Variants in RAB7A observed in about 807,000 individuals in gnomAD.
RAB7A encodes ras-related protein Rab-7a.
Under a neutral mutation model 24.5 loss-of-function variants are expected in RAB7A, and 2 were observed. The observed-to-expected ratio is 0.08, with a 90% CI of 0.03 to 0.26. The LOEUF is 0.26. Among genes scored for constraint, RAB7A ranks in the 10% least tolerant of loss-of-function variants. The probability of loss-of-function intolerance (pLI) is 1.00; values close to 1 mark genes in which losing one functional copy is unlikely to be tolerated. For missense variants in RAB7A, 118 were observed against 255.7 expected (o/e 0.46, Z 3.67); for synonymous variants, 100 against 95.9 (o/e 1.04, Z -0.25).
chr3:128,791,947 A>G (rs906181243), intron 1 of RAB7A, among the ~76,000 whole-genome samples: 2 of 152,084 alleles, frequency 1.3e-5, no homozygotes, highest in African/African-American at 2.4e-5. Context: ...GGCCTGTGAT[A>G]ATCTTACGAG....
intron 1 of RAB7A, among the ~76,000 whole-genome samples, chr3:128,734,651 A>C (rs1194431607): frequency 2.0e-5 from 3 of 151,708 alleles, no homozygotes; most frequent in Non-Finnish European, 2.9e-5. Flanking sequence ...TGGTGCTTTC[A>C]TTCCAACTCT....
intron 1 of RAB7A, among the ~76,000 whole-genome samples, chr3:128,764,197 C>T (rs546071888): frequency 1.3e-5 from 2 of 152,290 alleles, no homozygotes; most frequent in South Asian, 2.1e-4. Context: ...CGGCTCCTCC[C>T]AGTCACCTCA....
chr3:128,788,646 G>A (rs1019564329), intron 1 of RAB7A, among the ~76,000 whole-genome samples: 9 of 152,242 alleles, frequency 5.9e-5, no homozygotes, highest in African/African-American at 1.9e-4. Flanking sequence ...TCACCTCCAC[G>A]TGAGCTGTTA....
chr3:128,763,736 T>C (rs762245749), intron 1 of RAB7A, among the ~76,000 whole-genome samples: 6 of 152,110 alleles, frequency 3.9e-5, no homozygotes, highest in Non-Finnish European at 5.9e-5. Flanking sequence ...TAGTTTCCCA[T>C]CCACCTTTCA....
chr3:128,772,540 A>T (rs1032996185), intron 1 of RAB7A, among the ~76,000 whole-genome samples: 1 of 152,136 alleles, frequency 6.6e-6, no homozygotes, highest in African/African-American at 2.4e-5. Context: ...CTGTTAGTGT[A>T]CTTGGGTGAT....
intron 3 of RAB7A, among the ~76,000 whole-genome samples, chr3:128,800,024 T>G (rs556235359): frequency 6.6e-6 from 1 of 152,130 alleles, no homozygotes; most frequent in Non-Finnish European, 1.5e-5. Flanking sequence ...AACTTAGAAC[T>G]TCAAGAAGTG....
intron 1 of RAB7A, among the ~76,000 whole-genome samples, chr3:128,752,338 G>A (rs1237591559): frequency 1.3e-5 from 2 of 151,732 alleles, no homozygotes; most frequent in Non-Finnish European, 2.9e-5. Flanking sequence ...AACAAAGGAA[G>A]TGGAAGAAAA....
intron 1 of RAB7A, among the ~76,000 whole-genome samples, chr3:128,773,846 G>A (rs1157699215): frequency 2.0e-5 from 3 of 152,006 alleles, no homozygotes; most frequent in Non-Finnish European, 4.4e-5. Context: ...TAAGGGCGGT[G>A]CAAGATGTGC....
At chr3:128,764,034 C>T (rs1396158226) in intron 1 of RAB7A, among the ~76,000 whole-genome samples, 1 of 152,100 alleles carries the variant, frequency 6.6e-6, no homozygotes, top group Non-Finnish European at 1.5e-5. Flanking sequence ...GAGCAAGCAA[C>T]AAGTGAGCAA....
intron 1 of RAB7A, among the ~76,000 whole-genome samples, chr3:128,791,148 GT>G (rs1037576591): frequency 1.2e-4 from 18 of 145,892 alleles, no homozygotes; most frequent in East Asian, 2.0e-4. Context: ...TGTTTTGTTT[GT>G]TTTTTTTTTT....
At chr3:128,759,091 C>T (rs888325919) in intron 1 of RAB7A, among the ~76,000 whole-genome samples, 1 of 152,044 alleles carries the variant, frequency 6.6e-6, no homozygotes, top group African/African-American at 2.4e-5. Flanking sequence ...ATTCTTTTTC[C>T]AAAGAAATCC....
chr3:128,762,309 A>G (rs1462114581), intron 1 of RAB7A, among the ~76,000 whole-genome samples: 1 of 152,162 alleles, frequency 6.6e-6, no homozygotes, highest in East Asian at 1.9e-4. Context: ...TGGAAATTTT[A>G]AGGGTTCCTG....
At chr3:128,782,755 A>G (rs949595063) in intron 1 of RAB7A, among the ~76,000 whole-genome samples, 4 of 151,982 alleles carry the variant, frequency 2.6e-5, no homozygotes, top group African/African-American at 9.7e-5. Context: ...CTCTTCAACT[A>G]TTTATTACCA....
chr3:128,731,198 C>T (rs1214302405), intron 1 of RAB7A, among the ~76,000 whole-genome samples: 1 of 152,078 alleles, frequency 6.6e-6, no homozygotes. Flanking sequence ...AGTTGGTTTC[C>T]ATTGAATAAG....
chr3:128,764,661 G>A (rs1446994257), intron 1 of RAB7A: 7 of 897,892 alleles, frequency 7.8e-6, no homozygotes, highest in Middle Eastern at 2.9e-4. Context: ...TGGCTAGTTT[G>A]TGCAGTTCCA....
chr3:128,802,638 G>T (rs1290622214), intron 3 of RAB7A, among the ~76,000 whole-genome samples: 1 of 151,714 alleles, frequency 6.6e-6, no homozygotes, highest in African/African-American at 2.4e-5. Flanking sequence ...CTCCCGAGTA[G>T]CTGGGACTAC....
rs2070391601 is a variant in RAB7A at position 128,727,381 on chromosome 3, T to C, written c.-9+1022T>C. On this transcript the variant is annotated intron_variant, in intron 1 of 5. Coordinates refer to ENST00000265062, the MANE Select transcript of RAB7A (RefSeq NM_004637.6). The stretch of plus-strand genomic sequence containing the variant: ...ATTTCTAGGTTGTACTGCTTTCACG[T>C]ACCCCTGAAGCTTGCTGGTTTATCT... Among the ~76,000 whole-genome samples, 3 of 151,750 alleles carry C rather than the reference T, an allele frequency of 2.0e-5. No homozygotes were observed. The South Asian group carries it at 6.2e-4, about 31-fold the overall frequency.
At chr3:128,774,280 C>T (rs1933028032) in intron 1 of RAB7A, among the ~76,000 whole-genome samples, 2 of 151,064 alleles carry the variant, frequency 1.3e-5, no homozygotes, top group African/African-American at 4.8e-5. Context: ...TGACTTCCCC[C>T]TTCTCCCTTT....
At chr3:128,790,612 C>A (rs1933435348) in intron 1 of RAB7A, among the ~76,000 whole-genome samples, 1 of 152,184 alleles carries the variant, frequency 6.6e-6, no homozygotes, top group Non-Finnish European at 1.5e-5. Context: ...CAAAATTTTT[C>A]TGGCTCTTAC....
Sources: gnomAD v4.1 joint callset for allele counts (sites outside exome capture counted in the v4.1 genomes callset) on GRCh38, gnomAD v4.1.1 for gene constraint, MANE v1.5 for transcripts, NCBI Gene and HGNC (gene_info 2026-07-23, HGNC 2026-07-21) for gene names.